KAZN: variants seen among roughly 807,000 people sequenced by gnomAD.
KAZN encodes the protein kazrin, periplakin interacting protein, also known as kazrin.
In KAZN, 40 loss-of-function variants were observed where a neutral mutation model predicts 87.4. The ratio of observed to expected loss-of-function variants is 0.46; its 90% confidence interval spans 0.36 to 0.60. The LOEUF is 0.60. KAZN is among the 20% of genes least tolerant of loss of function. The pLI, the probability that KAZN is intolerant of heterozygous loss-of-function variation, is 0.00. For missense variants in KAZN, 898 were observed against 1,073.9 expected (o/e 0.84, Z 2.29); for synonymous variants, 466 against 458.3 (o/e 1.02, Z -0.22).
intron 2 of KAZN, among the ~76,000 whole-genome samples, chr1:14,189,506 G>T (rs537343316): frequency 6.6e-6 from 1 of 152,094 alleles, no homozygotes; most frequent in African/African-American, 2.4e-5. Flanking sequence ...CTGCTAATAC[G>T]GACAGGCTTG....
intron 1 of KAZN, among the ~76,000 whole-genome samples, chr1:14,805,530 G>A (rs1463898637): frequency 2.0e-5 from 3 of 152,040 alleles, no homozygotes; most frequent in Non-Finnish European, 2.9e-5. Context: ...AGGCCAAGGC[G>A]GGCAGATAAC....
chr1:14,302,790 G>T (rs1182529355), intron 2 of KAZN, among the ~76,000 whole-genome samples: 1 of 152,108 alleles, frequency 6.6e-6, no homozygotes, highest in Non-Finnish European at 1.5e-5. Context: ...AGAAACCAAA[G>T]GTAAAATTGT....
At chr1:14,132,422 T>G (rs1645011040) in intron 1 of KAZN, among the ~76,000 whole-genome samples, 1 of 152,114 alleles carries the variant, frequency 6.6e-6, no homozygotes, top group South Asian at 2.1e-4. Context: ...GGCTGAGGGA[T>G]ACAGAAAGTG....
chr1:14,785,180 G>A (rs142568553), intron 1 of KAZN, among the ~76,000 whole-genome samples: 364 of 152,108 alleles, frequency 2.4e-3, no homozygotes, highest in African/African-American at 7.6e-3. Flanking sequence ...GAATATAAGC[G>A]TGTCTCATGG....
intron 1 of KAZN, among the ~76,000 whole-genome samples, chr1:14,133,379 AAGAAAGAAAG>A (rs1645036266): frequency 1.1e-5 from 1 of 95,112 alleles, no homozygotes; most frequent in African/African-American, 4.0e-5. Context: ...AAAAAAAAAA[AAGAAAGAAAG>A]AAAGAAAGAA....
intron 1 of KAZN, among the ~76,000 whole-genome samples, chr1:14,622,476 G>A (rs1183415720): frequency 2.6e-5 from 4 of 151,866 alleles, no homozygotes; most frequent in South Asian, 2.1e-4. Flanking sequence ...GGATCACGAG[G>A]TCAGGAGATC....
chr1:14,109,584 A>T (rs949644105), intron 1 of KAZN, among the ~76,000 whole-genome samples: 3 of 152,156 alleles, frequency 2.0e-5, no homozygotes, highest in African/African-American at 7.2e-5. Flanking sequence ...CTGCTATGTC[A>T]AGAGTGATTT....
chr1:13,956,687 T>C (rs1003787450), intron 1 of KAZN, among the ~76,000 whole-genome samples: 1 of 152,230 alleles, frequency 6.6e-6, no homozygotes, highest in African/African-American at 2.4e-5. Flanking sequence ...TGCATATGCT[T>C]GGAGCATGAT....
rs75104132 is a variant in KAZN at position 14,329,084 on chromosome 1, T to C, written c.249+148492T>C. ...AGTGTATTACCAGTTTCAGATGGAG[T>C]TAGATCCAGGTGCTGGAACAATGTT... On this transcript the variant is annotated intron_variant, in intron 2 of 16. Coordinates refer to the KAZN transcript ENST00000636203. 2.8e-3 allele frequency among the ~76,000 whole-genome samples: 429 copies of C among 152,200 alleles called. 2 individuals carry two copies. The highest frequency in any genetic ancestry group is 9.0e-3 in the African/African-American group (375 of 41,520).
intron 1 of KAZN, among the ~76,000 whole-genome samples, chr1:13,963,584 T>C (rs1641831913): frequency 2.0e-5 from 3 of 152,200 alleles, no homozygotes. Context: ...GAGTCTATCA[T>C]CCAGGCAATT....
At chr1:14,891,654 C>G (rs2101166756) in intron 1 of KAZN, among the ~76,000 whole-genome samples, 1 of 152,246 alleles carries the variant, frequency 6.6e-6, no homozygotes, top group South Asian at 2.1e-4. Context: ...TTTCTAAAAG[C>G]AAGTTAGCCT....
chr1:14,727,016 C>A (rs1210783188), intron 1 of KAZN, among the ~76,000 whole-genome samples: 2 of 152,166 alleles, frequency 1.3e-5, no homozygotes, highest in Non-Finnish European at 2.9e-5. Context: ...TGAGCTACTG[C>A]TTGCACTTTG....
At chr1:14,386,725 T>C (rs1408909663) in intron 2 of KAZN, among the ~76,000 whole-genome samples, 5 of 152,226 alleles carry the variant, frequency 3.3e-5, no homozygotes, top group African/African-American at 1.2e-4. Flanking sequence ...AACATGACCT[T>C]TCTCTCTGGC....
intron 2 of KAZN, among the ~76,000 whole-genome samples, chr1:14,202,669 C>A (rs1646663251): frequency 6.6e-6 from 1 of 152,096 alleles, no homozygotes; most frequent in African/African-American, 2.4e-5. Flanking sequence ...AGAAAGGAGG[C>A]AGCTAGTATT....
intron 2 of KAZN, among the ~76,000 whole-genome samples, chr1:14,485,879 C>A (rs188752703): frequency 7.0e-6 from 1 of 142,596 alleles, no homozygotes; most frequent in Non-Finnish European, 1.5e-5. Flanking sequence ...GGCGACAGAG[C>A]GAGACTCCAT....
intron 1 of KAZN, among the ~76,000 whole-genome samples, chr1:13,906,470 T>C (rs1639441129): frequency 6.6e-6 from 1 of 152,122 alleles, no homozygotes. Context: ...TAAAACCCTG[T>C]GGGGCAGAAA....
rs1171380286 is a variant in KAZN, at chr1:14,582,439, T to G, written c.250-16544T>G. The stretch of plus-strand genomic sequence containing the variant: ...CTGGGAGACTTTTAGAGACCGACTC[T>G]TCAGCTTGAAAACCTGGGAATTTTT... On this transcript the variant is annotated intron_variant, in intron 2 of 16. Transcript: ENST00000636203. Among the ~76,000 whole-genome samples the G allele has an allele frequency of 3.3e-5, 5 of 152,198 alleles. No individual in the cohort carries two copies. In the East Asian group the frequency reaches 7.7e-4, roughly 24 times the overall value.
intron 2 of KAZN, among the ~76,000 whole-genome samples, chr1:15,004,908 C>A (rs1042851735): frequency 6.6e-6 from 1 of 152,226 alleles, no homozygotes; most frequent in Admixed American, 6.5e-5. Flanking sequence ...TTCAAGCACA[C>A]TCGTTGCTGG....
At chr1:14,408,022 C>T (rs1664006172) in intron 2 of KAZN, among the ~76,000 whole-genome samples, 1 of 152,328 alleles carries the variant, frequency 6.6e-6, no homozygotes, top group Non-Finnish European at 1.5e-5. Flanking sequence ...TGACTGACTT[C>T]AGTTAGAGCA....
Sources: gnomAD v4.1 joint callset for allele counts (sites outside exome capture counted in the v4.1 genomes callset) on GRCh38, gnomAD v4.1.1 for gene constraint, MANE v1.5 for transcripts, NCBI Gene and HGNC (gene_info 2026-07-23, HGNC 2026-07-21) for gene names.